Variants in SCD5 observed in about 807,000 individuals in gnomAD.
The protein encoded by SCD5 is acyl-CoA-desaturase 4.
SCD5 carries 20 observed loss-of-function variants against 30.4 expected under a neutral mutation model. The observed-to-expected ratio is 0.66, with a 90% CI of 0.46 to 0.96. The LOEUF is 0.96. Ranked by LOEUF, SCD5 falls within the 40% of genes least tolerant of loss-of-function variation. SCD5 has a pLI of 0.00. For missense variants in SCD5, 381 were observed against 443.3 expected, an observed-to-expected ratio of 0.86 and a Z score of 1.26; for synonymous variants, 173 against 176.4, an observed-to-expected ratio of 0.98 and a Z score of 0.16.
At chr4:82,680,156 C>T (rs369613672) in intron 3 of SCD5, among the ~76,000 whole-genome samples, 3 of 152,172 alleles carry the variant, frequency 2.0e-5, no homozygotes, top group South Asian at 2.1e-4. Flanking sequence ...TATGCTCAGC[C>T]GACACCATCA....
chr4:82,729,436 T>G (rs1309673167), intron 1 of SCD5, among the ~76,000 whole-genome samples: 2 of 152,130 alleles, frequency 1.3e-5, no homozygotes, highest in African/African-American at 4.8e-5. Context: ...AGCTCAACTA[T>G]AAGCTTCCTG....
At chr4:82,693,956 G>C (rs17006133) in intron 2 of SCD5, among the ~76,000 whole-genome samples, 1 of 152,214 alleles carries the variant, frequency 6.6e-6, no homozygotes, top group South Asian at 2.1e-4. Flanking sequence ...CCAGTCACAA[G>C]AGGGAATGCG....
At chr4:82,716,371 TAAAC>T (rs61165283) in intron 1 of SCD5, among the ~76,000 whole-genome samples, 4 of 151,758 alleles carry the variant, frequency 2.6e-5, no homozygotes, top group African/African-American at 9.7e-5. Flanking sequence ...CTCTTATCTG[TAAAC>T]AAACAAACAA....
chr4:82,745,815 GT>G (rs557574146), intron 1 of SCD5, among the ~76,000 whole-genome samples: 68 of 152,302 alleles, frequency 4.5e-4, no homozygotes, highest in African/African-American at 1.5e-3. Context: ...TATCACTGAG[GT>G]AGGTAAGAGG....
intron 2 of SCD5, among the ~76,000 whole-genome samples, chr4:82,689,319 G>A (rs538986181): frequency 2.7e-4 from 41 of 152,246 alleles, no homozygotes; most frequent in Non-Finnish European, 5.1e-4. Flanking sequence ...CAGCTACTCA[G>A]GAGGCTGAGG....
chr4:82,781,731 C>T (rs1721878850), intron 1 of SCD5, among the ~76,000 whole-genome samples: 1 of 152,188 alleles, frequency 6.6e-6, no homozygotes, highest in East Asian at 1.9e-4. Flanking sequence ...CCTCTCATTG[C>T]CCTTGCATAA....
intron 1 of SCD5, among the ~76,000 whole-genome samples, chr4:82,740,350 G>A (rs1015458529): frequency 6.6e-6 from 1 of 152,208 alleles, no homozygotes; most frequent in Non-Finnish European, 1.5e-5. Flanking sequence ...AAAAGTCAGA[G>A]GGGAGAAAGG....
At chr4:82,798,044 C>G (rs1388651798) in intron 1 of SCD5, among the ~76,000 whole-genome samples, 1 of 145,370 alleles carries the variant, frequency 6.9e-6, no homozygotes, top group South Asian at 2.2e-4. Context: ...ATCGGGAAGC[C>G]GGCAAATGCG....
chr4:82,649,216 TGTGTGA>T (rs1401012394), intron 3 of SCD5, among the ~76,000 whole-genome samples: 3 of 126,642 alleles, frequency 2.4e-5, no homozygotes, highest in East Asian at 4.7e-4. Flanking sequence ...TGTGTGTGTG[TGTGTGA>T]GATTCTTCAC....
intron 3 of SCD5, among the ~76,000 whole-genome samples, chr4:82,676,164 C>T (rs1200015379): frequency 6.6e-6 from 1 of 152,154 alleles, no homozygotes; most frequent in Non-Finnish European, 1.5e-5. Flanking sequence ...TGAAATGACA[C>T]TGAGAATGAA....
chr4:82,670,288 C>A (rs552848273), intron 3 of SCD5, among the ~76,000 whole-genome samples: 1 of 152,016 alleles, frequency 6.6e-6, no homozygotes, highest in Non-Finnish European at 1.5e-5. Flanking sequence ...CAAGAACACA[C>A]AGGCAATATA....
intron 1 of SCD5, among the ~76,000 whole-genome samples, chr4:82,718,033 T>C (rs1720267847): frequency 6.7e-6 from 1 of 149,964 alleles, no homozygotes; most frequent in Non-Finnish European, 1.5e-5. Flanking sequence ...TAATTTCTGC[T>C]GTCATCATCT....
chr4:82,645,258 G>C (rs1451845774), intron 3 of SCD5, among the ~76,000 whole-genome samples: 1 of 151,226 alleles, frequency 6.6e-6, no homozygotes, highest in Non-Finnish European at 1.5e-5. Flanking sequence ...AGATTGCAGT[G>C]AGCCGAGATT....
intron 1 of SCD5, among the ~76,000 whole-genome samples, chr4:82,795,295 T>C (rs1202134154): frequency 2.0e-5 from 3 of 152,204 alleles, no homozygotes; most frequent in East Asian, 1.9e-4. Flanking sequence ...AGTCAGGTCC[T>C]TGAAGTGCAT....
intron 1 of SCD5, among the ~76,000 whole-genome samples, chr4:82,780,591 T>A (rs1172187459): frequency 1.3e-5 from 2 of 152,230 alleles, no homozygotes; most frequent in Non-Finnish European, 2.9e-5. Flanking sequence ...AAACACCAAT[T>A]TGCACATTCA....
intron 1 of SCD5, among the ~76,000 whole-genome samples, chr4:82,740,238 T>G (rs1720845738): frequency 6.6e-6 from 1 of 152,264 alleles, no homozygotes; most frequent in Non-Finnish European, 1.5e-5. Context: ...TGATTCCCTC[T>G]TCTGTCATTC....
At chr4:82,661,011 T>C (rs1727990889) in intron 3 of SCD5, 1 of 1,614,142 alleles carries the variant, frequency 6.2e-7, no homozygotes, top group Non-Finnish European at 8.5e-7. Flanking sequence ...CTTGATGCCA[T>C]TCACGAAGCA....
intron 1 of SCD5, among the ~76,000 whole-genome samples, chr4:82,711,442 G>A (rs769344396): frequency 3.3e-5 from 5 of 152,134 alleles, no homozygotes; most frequent in Admixed American, 6.5e-5. Flanking sequence ...AGGATGGCGC[G>A]GTGGCTCATG....
intron 1 of SCD5, among the ~76,000 whole-genome samples, chr4:82,777,012 T>C (rs1161595395): frequency 6.6e-6 from 1 of 152,226 alleles, no homozygotes; most frequent in Non-Finnish European, 1.5e-5. Context: ...AACTACATGC[T>C]GCGCCCATGC....
Sources: allele counts gnomAD v4.1 joint callset (sites outside exome capture counted in the v4.1 genomes callset), GRCh38; gene constraint gnomAD v4.1.1; transcripts MANE v1.5; gene names NCBI Gene and HGNC (gene_info 2026-07-23, HGNC 2026-07-21).